The following SORCS1 variants were observed in gnomAD, a reference collection of about 807,000 sequenced individuals.
The protein encoded by SORCS1 is VPS10 domain-containing receptor SorCS1.
Under a neutral mutation model 146.1 loss-of-function variants are expected in SORCS1, and 60 were observed. That is an observed-to-expected ratio of 0.41 (90% CI 0.33 to 0.51). The LOEUF (loss-of-function observed/expected upper bound fraction) is 0.51. SORCS1 is among the 20% of genes least tolerant of loss of function. The pLI is 0.21. For missense variants in SORCS1, 1,352 were observed against 1,487.6 expected (o/e 0.91, Z 1.50); for synonymous variants, 637 against 584.0 (o/e 1.09, Z -1.31).
chr10:107,176,330 T>TTTC, the SORCS1 span, among the ~76,000 whole-genome samples: 8 of 148,610 alleles, frequency 5.4e-5, no homozygotes, highest in Non-Finnish European at 1.0e-4. Flanking sequence ...TCTCTCTCTC[T>TTTC]TTCTTTTTTT....
At position 107,060,224 on chromosome 10, in the gene SORCS1, T is replaced by G. The variant is rs1350194822; in HGVS notation, c.559-103644A>C. ...GGAAATGACAATGAGGATCTGAAGT[T>G]TACATGCTGTCTTCAGAATGTTTTA... On this transcript the variant is annotated intron_variant, in intron 1 of 25. Coordinates refer to ENST00000263054, the MANE Select transcript of SORCS1 (RefSeq NM_052918.5). This position sits in a 1 kb window ranked among gnomAD's most constrained non-coding sequence, Gnocchi z 4.1. Among the ~76,000 whole-genome samples the G allele has an allele frequency of 1.3e-5, 2 of 152,140 alleles. No homozygotes were observed. The highest frequency in any genetic ancestry group is 2.9e-5 in the Non-Finnish European group (2 of 68,018).
At position 107,053,279 on chromosome 10, in the gene SORCS1, G is replaced by A. The variant is rs534601068; in HGVS notation, c.559-96699C>T. On this transcript the variant is annotated intron_variant, in intron 1 of 25. Coordinates refer to ENST00000263054, the MANE Select transcript of SORCS1 (RefSeq NM_052918.5). The stretch of plus-strand genomic sequence containing the variant: ...CTTAAACTTTAAAATGCATACCTCC[G>A]GGGAAATCCACTTTACACACTTATG... Among the ~76,000 whole-genome samples, 20 of 152,154 alleles carry A rather than the reference G, an allele frequency of 1.3e-4. No homozygotes were observed. The South Asian group carries it at 1.9e-3, about 14-fold the overall frequency.
intron 24 of SORCS1, among the ~76,000 whole-genome samples, chr10:106,587,267 G>A (rs973047313): frequency 2.0e-5 from 3 of 152,092 alleles, no homozygotes; most frequent in African/African-American, 7.2e-5. Context: ...TACGGTGACC[G>A]AAAACTAAAG....
intron 19 of SORCS1, among the ~76,000 whole-genome samples, chr10:106,624,358 T>A (rs971921459): frequency 2.4e-4 from 31 of 126,788 alleles, no homozygotes; most frequent in African/African-American, 8.4e-4. Flanking sequence ...TTTTTTTTTT[T>A]TTTTTTTTTT....
rs76426473 is a variant in SORCS1, at chr10:106,838,186, T to G, written c.627-8513A>C. 8.6e-3 allele frequency among the ~76,000 whole-genome samples: 1,307 copies of G among 152,316 alleles called. 19 individuals carry two copies. Among genetic ancestry groups the G allele is most frequent in the African/African-American group, 0.029 (1,202 of 41,560 alleles). On this transcript the variant is annotated intron_variant, in intron 2 of 25. Transcript: ENST00000263054. ...AAGGACTTTTGGCTACAATAGCCCCTGCTGTTAGAAGATAAAATCAGCCGT... is the reference window on the plus strand; with the variant it reads ...AAGGACTTTTGGCTACAATAGCCCCGGCTGTTAGAAGATAAAATCAGCCGT...
At chr10:106,688,402 T>G in intron 9 of SORCS1, 64 bp from the exon 10 acceptor site, 1 of 1,558,704 alleles carries the variant, frequency 6.4e-7, no homozygotes, top group Non-Finnish European at 8.7e-7. Context: ...TGTTTACTTT[T>G]TAAAAAAAGA....
At chr10:106,708,000 T>C (rs1854657931) in intron 7 of SORCS1, among the ~76,000 whole-genome samples, 1 of 152,162 alleles carries the variant, frequency 6.6e-6, no homozygotes, top group Non-Finnish European at 1.5e-5. Context: ...TTACAGGATG[T>C]TCATGGTGGC....
At chr10:106,699,453 G>T in intron 8 of SORCS1, 60 bp from the exon 9 acceptor site, 1 of 1,468,382 alleles carries the variant, frequency 6.8e-7, no homozygotes, top group South Asian at 1.4e-5. Context: ...AACCTGGCAG[G>T]CATCCAAAGA....
At chr10:107,167,816 A>G (rs995893113), upstream of SORCS1, among the ~76,000 whole-genome samples, 1 of 151,936 alleles carries the variant, frequency 6.6e-6, no homozygotes, top group African/African-American at 2.4e-5. Context: ...ATGCATATAT[A>G]TGTATAAAGA....
At chr10:107,052,774 T>C (rs1002963581) in intron 1 of SORCS1, among the ~76,000 whole-genome samples, 4 of 152,156 alleles carry the variant, frequency 2.6e-5, no homozygotes, top group African/African-American at 9.6e-5. Flanking sequence ...TGGGAATTTT[T>C]TTTCATTGAA....
At position 106,750,462 on chromosome 10, in the gene SORCS1, G is replaced by T. The variant is rs528441607; in HGVS notation, c.959+11126C>A. 2.8e-4 allele frequency among the ~76,000 whole-genome samples: 43 copies of T among 152,144 alleles called. No individual in the cohort carries two copies. In the South Asian group the frequency reaches 8.5e-3, roughly 30 times the overall value. ...AAGTGGAGGAGGGGCCGGGCGCAGT[G>T]GTTCAGGCCTGCAATACCAGCACTT... On this transcript the variant is annotated intron_variant, in intron 5 of 25. Transcript: ENST00000263054.
intron 1 of SORCS1, among the ~76,000 whole-genome samples, chr10:107,074,798 G>A (rs933639109): frequency 3.3e-5 from 5 of 152,036 alleles, no homozygotes; most frequent in South Asian, 2.1e-4. Context: ...AATGAAATAC[G>A]ATGTGCAGCA....
At chr10:106,988,754 T>C (rs1411077323) in intron 1 of SORCS1, among the ~76,000 whole-genome samples, 1 of 152,134 alleles carries the variant, frequency 6.6e-6, no homozygotes, top group African/African-American at 2.4e-5. Flanking sequence ...GGTCTCAAAA[T>C]GTGACTTTTT....
chr10:106,878,073 G>A (rs1037932999), intron 2 of SORCS1, among the ~76,000 whole-genome samples: 1 of 151,874 alleles, frequency 6.6e-6, no homozygotes, highest in African/African-American at 2.4e-5. Flanking sequence ...TGTCCCCATG[G>A]TATAAATGGC....
intron 1 of SORCS1, among the ~76,000 whole-genome samples, chr10:106,985,563 G>GTC: frequency 7.2e-6 from 1 of 138,172 alleles, no homozygotes; most frequent in South Asian, 2.3e-4. Context: ...TTTTGAGATA[G>GTC]TCTCACCCTG....
upstream of SORCS1, among the ~76,000 whole-genome samples, chr10:107,169,014 A>C (rs566678558): frequency 2.0e-5 from 3 of 152,064 alleles, no homozygotes; most frequent in South Asian, 4.2e-4. Context: ...ATTTGCTTTT[A>C]TTTTGTGTGT....
intron 9 of SORCS1, among the ~76,000 whole-genome samples, chr10:106,690,159 T>C (rs1853186995): frequency 6.6e-6 from 1 of 152,258 alleles, no homozygotes; most frequent in Non-Finnish European, 1.5e-5. Flanking sequence ...AGTAATTTAC[T>C]ACACCAGCTC....
chr10:106,698,125 T>C (rs1329626251), intron 9 of SORCS1, among the ~76,000 whole-genome samples: 4 of 152,244 alleles, frequency 2.6e-5, no homozygotes, highest in Non-Finnish European at 2.9e-5. Flanking sequence ...AACATGCTTT[T>C]ATACATACAC....
At chr10:107,119,479 T>C (rs753604419) in intron 1 of SORCS1, among the ~76,000 whole-genome samples, 1 of 152,222 alleles carries the variant, frequency 6.6e-6, no homozygotes, top group African/African-American at 2.4e-5. Flanking sequence ...ATCAGAAATA[T>C]CTTACTGTGG....
Sources: allele counts gnomAD v4.1 joint callset (sites outside exome capture counted in the v4.1 genomes callset), GRCh38; gene constraint gnomAD v4.1.1; non-coding constraint Gnocchi (gnomAD v3.1); transcripts MANE v1.5; gene names NCBI Gene and HGNC (gene_info 2026-07-23, HGNC 2026-07-21).